The following NCKAP5 variants were observed in gnomAD, a reference collection of about 807,000 sequenced individuals.
NCKAP5 encodes nck-associated protein 5.
Under a neutral mutation model 167.0 loss-of-function variants are expected in NCKAP5, and 92 were observed. The observed-to-expected ratio is 0.55, with a 90% CI of 0.47 to 0.66. NCKAP5 has a LOEUF of 0.66. NCKAP5 is among the 30% of genes least tolerant of loss of function. The pLI is 0.00. For missense variants in NCKAP5, 2,378 were observed against 2,315.0 expected (o/e 1.03, Z -0.56); for synonymous variants, 891 against 877.4 (o/e 1.02, Z -0.27).
chr2:133,610,305 G>T, the NCKAP5 span, among the ~76,000 whole-genome samples: 17 of 152,314 alleles, frequency 1.1e-4, no homozygotes, highest in African/African-American at 3.8e-4. Flanking sequence ...GACAAAAGAG[G>T]CAATAAACTG....
At chr2:133,609,791 C>A in the NCKAP5 span, among the ~76,000 whole-genome samples, 1 of 152,096 alleles carries the variant, frequency 6.6e-6, no homozygotes, top group African/African-American at 2.4e-5. Context: ...AAGTATCCAT[C>A]AAAAATATTA....
chr2:133,379,705 G>C (rs367955038), intron 3 of NCKAP5, among the ~76,000 whole-genome samples: 102 of 152,216 alleles, frequency 6.7e-4, no homozygotes, highest in African/African-American at 2.4e-3. Context: ...AACACTTGTG[G>C]AATCAATGAA....
At chr2:133,229,431 G>A (rs558427852) in intron 4 of NCKAP5, among the ~76,000 whole-genome samples, 15 of 152,320 alleles carry the variant, frequency 9.8e-5, no homozygotes, top group East Asian at 5.8e-4. Flanking sequence ...CATCGTGCCC[G>A]AAGGCAGATG....
chr2:133,521,230 G>A (rs1156258451), intron 2 of NCKAP5, among the ~76,000 whole-genome samples: 1 of 152,128 alleles, frequency 6.6e-6, no homozygotes, highest in East Asian at 1.9e-4. Flanking sequence ...GGATTACCTG[G>A]GCCATTTGTA....
intron 8 of NCKAP5, among the ~76,000 whole-genome samples, chr2:132,951,314 G>C (rs538458008): frequency 1.3e-5 from 2 of 152,108 alleles, no homozygotes; most frequent in East Asian, 3.9e-4. Context: ...CTATTAAGCA[G>C]CCAAGGATGT....
the NCKAP5 span, among the ~76,000 whole-genome samples, chr2:133,615,484 A>T: frequency 6.6e-6 from 1 of 152,198 alleles, no homozygotes; most frequent in African/African-American, 2.4e-5. Flanking sequence ...AACAAAAAAA[A>T]AGCAGGGGTT....
At position 133,304,524 on chromosome 2, in the gene NCKAP5, G is replaced by T. The variant is rs147776865; in HGVS notation, c.70-1414C>A. 2.6e-3 allele frequency among the ~76,000 whole-genome samples: 394 copies of T among 152,330 alleles called. 3 individuals carry two copies. The highest frequency in any genetic ancestry group is 0.021 in the East Asian group (108 of 5,190). On this transcript the variant is annotated intron_variant, in intron 3 of 19. Coordinates refer to ENST00000409261, the MANE Select transcript of NCKAP5 (RefSeq NM_207363.3). ...AAACAAAGCAGAAAGCTCTGCTACTGCAGGAAGTTGCAACATACATGGTTA... is the reference window on the plus strand; with the variant it reads ...AAACAAAGCAGAAAGCTCTGCTACTTCAGGAAGTTGCAACATACATGGTTA...
At chr2:133,270,141 A>T (rs1376573651) in intron 4 of NCKAP5, among the ~76,000 whole-genome samples, 1 of 152,182 alleles carries the variant, frequency 6.6e-6, no homozygotes, top group Admixed American at 6.5e-5. Flanking sequence ...AGTGCCATAC[A>T]AATGTTTATG....
intron 6 of NCKAP5, among the ~76,000 whole-genome samples, chr2:133,038,288 T>TA (rs1358524589): frequency 6.6e-6 from 1 of 152,132 alleles, no homozygotes; most frequent in South Asian, 2.1e-4. Flanking sequence ...TATTCAGCCA[T>TA]AAAAAAGAAT....
At chr2:133,329,069 C>T (rs1682650718) in intron 3 of NCKAP5, among the ~76,000 whole-genome samples, 2 of 152,178 alleles carry the variant, frequency 1.3e-5, no homozygotes, top group Admixed American at 1.3e-4. Flanking sequence ...ACCCACATAG[C>T]TTGCCGTTAA....
chr2:133,437,760 A>T (rs557817851), intron 3 of NCKAP5, among the ~76,000 whole-genome samples: 1 of 152,276 alleles, frequency 6.6e-6, no homozygotes, highest in Non-Finnish European at 1.5e-5. Flanking sequence ...GACTTCAGTT[A>T]AGTTATTTAA....
intron 3 of NCKAP5, among the ~76,000 whole-genome samples, chr2:133,513,610 A>G (rs574544482): frequency 1.3e-5 from 2 of 152,320 alleles, no homozygotes; most frequent in South Asian, 2.1e-4. Context: ...CTTGATTACT[A>G]TAACGATTTG....
chr2:132,954,729 T>C lies in NCKAP5; in HGVS notation c.579+8991A>G, dbSNP rs182543589. ...TAATAACAAAAAGACTAGAAATATATATGCTGAAATGCCAATTCCAGCCAT... is the reference window on the plus strand; with the variant it reads ...TAATAACAAAAAGACTAGAAATATACATGCTGAAATGCCAATTCCAGCCAT... On this transcript the variant is annotated intron_variant, in intron 8 of 19. Coordinates refer to ENST00000409261, the MANE Select transcript of NCKAP5 (RefSeq NM_207363.3). 864 of 449,866 alleles carry C rather than the reference T, an allele frequency of 1.9e-3. 13 individuals carry two copies. Among genetic ancestry groups the C allele is most frequent in the Admixed American group, 0.018 (732 of 41,612 alleles). 27.9% of individuals were successfully genotyped at this position (449,866 alleles called of 1,614,324 possible).
the NCKAP5 span, among the ~76,000 whole-genome samples, chr2:133,605,860 C>G: frequency 6.6e-6 from 1 of 152,134 alleles, no homozygotes. Context: ...CTGCAATGAC[C>G]TGGGTAAATC....
intron 4 of NCKAP5, chr2:133,267,528 G>A (rs1033187517): frequency 6.6e-6 from 1 of 152,192 alleles, no homozygotes; most frequent in South Asian, 2.1e-4. Flanking sequence ...GTAGTGTAGT[G>A]TAATTGGCCA....
chr2:133,514,176 T>C (rs1483957354), intron 3 of NCKAP5, among the ~76,000 whole-genome samples: 1 of 152,210 alleles, frequency 6.6e-6, no homozygotes, highest in East Asian at 1.9e-4. Context: ...GGCAAACTTG[T>C]AGTCACTTGT....
intron 4 of NCKAP5, among the ~76,000 whole-genome samples, chr2:133,252,676 G>C (rs777997392): frequency 6.6e-5 from 10 of 152,202 alleles, no homozygotes; most frequent in Non-Finnish European, 1.2e-4. Flanking sequence ...GAGCCCCCAT[G>C]AGACCAGAGG....
intron 3 of NCKAP5, among the ~76,000 whole-genome samples, chr2:133,463,405 T>C (rs899601716): frequency 6.6e-6 from 1 of 152,220 alleles, no homozygotes; most frequent in African/African-American, 2.4e-5. Context: ...AAAAACTATA[T>C]TTGTAAATCC....
chr2:133,556,035 A>G (rs780937794), intron 2 of NCKAP5, among the ~76,000 whole-genome samples: 7 of 152,244 alleles, frequency 4.6e-5, no homozygotes, highest in Non-Finnish European at 1.0e-4. Flanking sequence ...CACAAACCGT[A>G]TGATTCCAAT....
Sources: gnomAD v4.1 joint callset for allele counts (sites outside exome capture counted in the v4.1 genomes callset) on GRCh38, gnomAD v4.1.1 for gene constraint, MANE v1.5 for transcripts, NCBI Gene and HGNC (gene_info 2026-07-23, HGNC 2026-07-21) for gene names.